Variants in KCTD8 observed in about 807,000 individuals in gnomAD.
KCTD8 encodes potassium channel tetramerization domain containing 8, also known as BTB/POZ domain-containing protein KCTD8.
KCTD8 carries 27 observed loss-of-function variants against 31.5 expected under a neutral mutation model. That is an observed-to-expected ratio of 0.86 (90% CI 0.63 to 1.18). KCTD8 has a LOEUF of 1.18. Ranked by LOEUF, KCTD8 falls within the 50% of genes most tolerant of loss-of-function variation. The probability of loss-of-function intolerance (pLI) is 0.00; values close to 1 mark genes in which losing one functional copy is unlikely to be tolerated. For synonymous variants in KCTD8, 290 were observed against 280.0 expected, an observed-to-expected ratio of 1.04 and a Z score of -0.36; for missense variants, 658 against 647.7, an observed-to-expected ratio of 1.02 and a Z score of -0.17.
chr4:44,248,551 C>A (rs1017209289), intron 1 of KCTD8, among the ~76,000 whole-genome samples: 1 of 151,828 alleles, frequency 6.6e-6, no homozygotes, highest in African/African-American at 2.4e-5. Flanking sequence ...AACATTTTCT[C>A]CCTGTCTGGG....
chr4:44,259,144 C>T (rs1716087398), intron 1 of KCTD8, among the ~76,000 whole-genome samples: 1 of 151,834 alleles, frequency 6.6e-6, no homozygotes, highest in Admixed American at 6.6e-5. Context: ...CAGCTAAAGA[C>T]TCCATTCTTC....
chr4:44,327,817 A>G (rs1364242363), intron 1 of KCTD8, among the ~76,000 whole-genome samples: 4 of 151,820 alleles, frequency 2.6e-5, no homozygotes, highest in Non-Finnish European at 5.9e-5. Context: ...CCTAACTCAT[A>G]CAGTTGCTGT....
intron 1 of KCTD8, among the ~76,000 whole-genome samples, chr4:44,397,927 G>C (rs528972395): frequency 5.5e-4 from 83 of 152,036 alleles, no homozygotes; most frequent in African/African-American, 2.0e-3. Context: ...ATGAATTACA[G>C]TTAAATTTAC....
intron 1 of KCTD8, among the ~76,000 whole-genome samples, chr4:44,416,779 C>T (rs770289306): frequency 4.4e-4 from 67 of 152,174 alleles, no homozygotes; most frequent in Admixed American, 3.2e-3. Context: ...GAACCATGAA[C>T]CAAAATAAAA....
At chr4:44,444,441 AT>A (rs1560456461) in intron 1 of KCTD8, among the ~76,000 whole-genome samples, 2 of 152,216 alleles carry the variant, frequency 1.3e-5, no homozygotes, top group Non-Finnish European at 2.9e-5. Context: ...TTGCAAAATA[AT>A]TTTTCCATTA....
chr4:44,203,792 C>A (rs189359386), intron 1 of KCTD8, among the ~76,000 whole-genome samples: 2 of 150,898 alleles, frequency 1.3e-5, no homozygotes, highest in South Asian at 2.1e-4. Context: ...AAAATGAGAA[C>A]GATATAATAT....
intron 1 of KCTD8, among the ~76,000 whole-genome samples, chr4:44,320,087 A>T (rs928826549): frequency 7.0e-6 from 1 of 142,596 alleles, no homozygotes; most frequent in African/African-American, 2.6e-5. Flanking sequence ...CAGGAGAATC[A>T]CTTGAACCCA....
chr4:44,322,920 C>A (rs1000609454), intron 1 of KCTD8, among the ~76,000 whole-genome samples: 14 of 151,910 alleles, frequency 9.2e-5, no homozygotes, highest in Admixed American at 7.9e-4. Context: ...TTTCTGAGTT[C>A]TCTATTCTGT....
intron 1 of KCTD8, among the ~76,000 whole-genome samples, chr4:44,283,090 C>T (rs1716947906): frequency 6.7e-6 from 1 of 149,520 alleles, no homozygotes; most frequent in South Asian, 2.1e-4. Flanking sequence ...CAGAGTCTTG[C>T]TCTGTCACCC....
chr4:44,265,463 G>T lies in KCTD8; in HGVS notation c.962-90213C>A, dbSNP rs111250695. Among the ~76,000 whole-genome samples the T allele has an allele frequency of 9.0e-3, 1,376 of 152,180 alleles. 19 individuals carry two copies. The highest frequency in any genetic ancestry group is 0.031 in the African/African-American group (1,287 of 41,540). Reference sequence around the variant, plus strand: ...GGGGAAAAAACAGAGCAGAAAAACCGGAAACTCTAAAAAGCAGAGCACCTC... The same window carrying T: ...GGGGAAAAAACAGAGCAGAAAAACCTGAAACTCTAAAAAGCAGAGCACCTC... On this transcript the variant is annotated intron_variant, in intron 1 of 1. Transcript: ENST00000360029.
At chr4:44,295,024 G>A (rs995774973) in intron 1 of KCTD8, among the ~76,000 whole-genome samples, 2 of 152,162 alleles carry the variant, frequency 1.3e-5, no homozygotes, top group Admixed American at 1.3e-4. Flanking sequence ...CCCGCAGGGT[G>A]GCTGATGCCT....
At chr4:44,186,166 C>T (rs1219938896) in intron 1 of KCTD8, among the ~76,000 whole-genome samples, 3 of 152,202 alleles carry the variant, frequency 2.0e-5, no homozygotes, top group Non-Finnish European at 2.9e-5. Flanking sequence ...GGCAGAACAG[C>T]ACACAGGTGG....
intron 1 of KCTD8, among the ~76,000 whole-genome samples, chr4:44,345,121 A>C (rs932662415): frequency 2.0e-5 from 3 of 152,140 alleles, no homozygotes; most frequent in Admixed American, 6.6e-5. Context: ...AGGTATTTCT[A>C]GGACTTATTT....
intron 1 of KCTD8, among the ~76,000 whole-genome samples, chr4:44,299,713 T>G: frequency 6.7e-6 from 1 of 148,846 alleles, no homozygotes; most frequent in African/African-American, 2.5e-5. Context: ...GGCAACAGAG[T>G]GAGACTCCGT....
chr4:44,365,745 A>G (rs1421690888), intron 1 of KCTD8, among the ~76,000 whole-genome samples: 1 of 152,210 alleles, frequency 6.6e-6, no homozygotes, highest in Admixed American at 6.6e-5. Context: ...TGTAAACCAC[A>G]TTACCCAGCA....
chr4:44,174,988 T>C lies in KCTD8; in HGVS notation c.1224A>G (p.Arg408=). The change falls in exon 2 of 2, where the codon AGA becomes AGG. Residue 408 remains arginine (R), a synonymous_variant. Coordinates refer to ENST00000360029, the MANE Select transcript of KCTD8 (RefSeq NM_198353.3). ...TGAGGGTCTGAAAGAGTTCACTGTT[T>C]CTGCGTTTGTCTGGTGGGGGTATCC... The part of the protein sequence containing the change: ...VQWIPPPDKR[R]NSELFQTLIS... 6.2e-7 allele frequency: 1 copy of C among 1,614,170 alleles called. No homozygotes were observed. Among genetic ancestry groups the C allele is most frequent in the Non-Finnish European group, 8.5e-7 (1 of 1,180,006 alleles).
intron 1 of KCTD8, among the ~76,000 whole-genome samples, chr4:44,316,915 T>A (rs543176481): frequency 1.3e-5 from 2 of 149,656 alleles, no homozygotes; most frequent in Non-Finnish European, 3.0e-5. Flanking sequence ...GAGGCAGGGA[T>A]TGCAGTGAGC....
At chr4:44,346,202 C>G (rs565608055) in intron 1 of KCTD8, among the ~76,000 whole-genome samples, 3 of 152,086 alleles carry the variant, frequency 2.0e-5, no homozygotes, top group African/African-American at 7.2e-5. Flanking sequence ...ATTTCTATAT[C>G]TCGAAGGCTC....
intron 1 of KCTD8, among the ~76,000 whole-genome samples, chr4:44,422,243 A>G (rs940501397): frequency 2.6e-5 from 4 of 152,112 alleles, no homozygotes; most frequent in African/African-American, 9.7e-5. Context: ...GTTGTTAGAA[A>G]AAAGTTCTTA....
Sources: gnomAD v4.1 joint callset for allele counts (sites outside exome capture counted in the v4.1 genomes callset) on GRCh38, gnomAD v4.1.1 for gene constraint, MANE v1.5 for transcripts, NCBI Gene and HGNC (gene_info 2026-07-23, HGNC 2026-07-21) for gene names.